The following POLE2 variants were observed in gnomAD, a reference collection of about 807,000 sequenced individuals.
POLE2 encodes DNA polymerase epsilon 2, accessory subunit.
A neutral mutation model predicts 79.4 loss-of-function variants in POLE2; 56 were observed. That is an observed-to-expected ratio of 0.71 (90% CI 0.57 to 0.88). The LOEUF is 0.88. Ranked by LOEUF, POLE2 falls within the 40% of genes least tolerant of loss-of-function variation. POLE2 has a pLI of 0.00. For synonymous variants in POLE2, 212 were observed against 214.0 expected, an observed-to-expected ratio of 0.99 and a Z score of 0.08; for missense variants, 598 against 638.9, an observed-to-expected ratio of 0.94 and a Z score of 0.69.
intron 9 of POLE2, 51 bp from the exon 10 acceptor site, chr14:49,663,438 G>T: frequency 7.9e-7 from 1 of 1,264,814 alleles, no homozygotes; most frequent in South Asian, 1.3e-5. Flanking sequence ...ATGTTTGAAA[G>T]GACAAAATTA....
rs1234548278 is a variant in POLE2, at chr14:49,650,420, G to A, written c.1342C>T (p.Gln448Ter). ...PNHFVKTILS[Q>*]GHLTPLPLYV... The stretch of plus-strand genomic sequence containing the variant: ...AGAGGTAGGGGAGTCAGATGTCCTT[G>A]GGATAAGATAGTCTTTACAAACTAC... The change falls in exon 17 of 19, where the codon CAA becomes TAA. Residue 448 changes from glutamine to a stop codon, truncating the protein, a stop_gained. Coordinates refer to ENST00000216367, the MANE Select transcript of POLE2 (RefSeq NM_002692.4). LOFTEE classifies it high-confidence loss of function. 2.0e-6 allele frequency: 3 copies of A among 1,519,494 alleles called. No homozygotes were observed. The highest frequency in any genetic ancestry group is 2.7e-6 in the Non-Finnish European group (3 of 1,129,262). 94.1% of individuals were successfully genotyped at this position (1,519,494 alleles called of 1,614,324 possible). A position where few individuals can be genotyped will look rare whatever the true frequency, so the allele number is the denominator to read the frequency against.
intron 2 of POLE2, among the ~76,000 whole-genome samples, chr14:49,682,767 C>T (rs954979483): frequency 1.3e-5 from 2 of 148,756 alleles, no homozygotes; most frequent in African/African-American, 5.0e-5. Flanking sequence ...TGAAAAGTTA[C>T]TGTCTCTGCC....
chr14:49,669,822 T>C (rs895275398), intron 5 of POLE2, among the ~76,000 whole-genome samples: 4 of 152,192 alleles, frequency 2.6e-5, no homozygotes, highest in Non-Finnish European at 4.4e-5. Flanking sequence ...ATTGTGTGTA[T>C]GGCAGCAGCA....
intron 6 of POLE2, among the ~76,000 whole-genome samples, chr14:49,667,843 TTTC>T (rs1885595801): frequency 6.6e-6 from 1 of 152,164 alleles, no homozygotes; most frequent in Non-Finnish European, 1.5e-5. Flanking sequence ...ATCTTTATGT[TTTC>T]TTATTACAAA....
chr14:49,651,212 A>G (rs1884199708), intron 16 of POLE2, 57 bp downstream of exon 16: 2 of 752,110 alleles, frequency 2.7e-6, no homozygotes, highest in Non-Finnish European at 4.6e-6. Flanking sequence ...GTGGCTTAAT[A>G]AAATTTTATA....
At chr14:49,658,424 G>A (rs114364925) in intron 10 of POLE2, among the ~76,000 whole-genome samples, 7,457 of 152,232 alleles carry the variant, frequency 0.049, 574 homozygotes, top group African/African-American at 0.16. Flanking sequence ...AGTATGGCCT[G>A]TTCGACTTCA....
chr14:49,649,633 T>C (rs1331378053), intron 17 of POLE2, among the ~76,000 whole-genome samples: 1 of 151,590 alleles, frequency 6.6e-6, no homozygotes, highest in African/African-American at 2.4e-5. Flanking sequence ...TAATTTTTAG[T>C]AGAGACGGGG....
intron 2 of POLE2, among the ~76,000 whole-genome samples, chr14:49,682,493 C>T (rs1243831411): frequency 2.6e-5 from 4 of 151,060 alleles, no homozygotes; most frequent in African/African-American, 9.7e-5. Context: ...AAAAATTAGC[C>T]AGGCATGGTG....
At chr14:49,658,724 G>A (rs1884889708) in intron 10 of POLE2, among the ~76,000 whole-genome samples, 1 of 152,176 alleles carries the variant, frequency 6.6e-6, no homozygotes, top group Admixed American at 6.5e-5. Flanking sequence ...ACACATTACT[G>A]TGTCTGTAGA....
At chr14:49,656,354 CAAAA>C (rs36046648) in intron 10 of POLE2, among the ~76,000 whole-genome samples, 1 of 93,956 alleles carries the variant, frequency 1.1e-5, no homozygotes, top group Non-Finnish European at 2.3e-5. Context: ...ACTCTTGTCT[CAAAA>C]AAAAAAAAAA....
intron 10 of POLE2, among the ~76,000 whole-genome samples, chr14:49,657,429 C>CTT (rs918363691): frequency 5.6e-5 from 8 of 143,242 alleles, no homozygotes; most frequent in Admixed American, 7.0e-5. Context: ...TAGTTGATTC[C>CTT]TTTTTTTTTT....
At chr14:49,667,119 C>T (rs552031251) in intron 6 of POLE2, among the ~76,000 whole-genome samples, 4 of 151,742 alleles carry the variant, frequency 2.6e-5, no homozygotes, top group East Asian at 1.9e-4. Context: ...ACCCGGGAGG[C>T]GGAGCTTGCA....
At position 49,643,556 on chromosome 14, in the gene POLE2, A is replaced by G. The variant is rs913882396; in HGVS notation, c.*96T>C. On this transcript the variant is annotated 3_prime_UTR_variant, in exon 19 of 19. Coordinates refer to ENST00000216367, the MANE Select transcript of POLE2 (RefSeq NM_002692.4). The stretch of plus-strand genomic sequence containing the variant: ...AATACAAATTTAAGCAGAACATCCT[A>G]AAGTTTACCATAATTTTATTGTAAT... 3.4e-5 allele frequency: 24 copies of G among 704,640 alleles called. No homozygotes were observed. The highest frequency in any genetic ancestry group is 1.9e-4 in the African/African-American group (10 of 53,110). 43.6% of individuals were successfully genotyped at this position (704,640 alleles called of 1,614,324 possible). A position where few individuals can be genotyped will look rare whatever the true frequency, so the allele number is the denominator to read the frequency against.
intron 10 of POLE2, 82 bp from the exon 11 acceptor site, chr14:49,655,925 T>A (rs1252365566): frequency 2.8e-6 from 2 of 701,968 alleles, no homozygotes; most frequent in Middle Eastern, 4.1e-4. Context: ...CTTCTTTGTA[T>A]CTAATGAAGT....
At chr14:49,664,349 CA>C (rs1235574204) in intron 9 of POLE2, among the ~76,000 whole-genome samples, 13 of 67,112 alleles carry the variant, frequency 1.9e-4, no homozygotes, top group East Asian at 1.8e-3. Flanking sequence ...ACTCTGTCTC[CA>C]AAAAAAAAAG....
chr14:49,673,290 T>C (rs932336386), intron 5 of POLE2, among the ~76,000 whole-genome samples: 2 of 152,168 alleles, frequency 1.3e-5, no homozygotes, highest in African/African-American at 4.8e-5. Flanking sequence ...AAAACCTGGC[T>C]GCGACCGAGT....
intron 3 of POLE2, among the ~76,000 whole-genome samples, chr14:49,678,402 T>C (rs1169623646): frequency 6.6e-6 from 1 of 152,118 alleles, no homozygotes; most frequent in Non-Finnish European, 1.5e-5. Flanking sequence ...TGATGCGATA[T>C]GGTACATGGC....
At chr14:49,688,050 G>A in intron 1 of POLE2, 86 bp downstream of exon 1, 1 of 1,154,678 alleles carries the variant, frequency 8.7e-7, no homozygotes, top group Admixed American at 2.2e-5. Flanking sequence ...CGCGCGGGGA[G>A]CCGCCGCGGT....
intron 10 of POLE2, among the ~76,000 whole-genome samples, chr14:49,659,662 C>G (rs965992806): frequency 1.3e-5 from 2 of 152,154 alleles, no homozygotes; most frequent in Non-Finnish European, 2.9e-5. Flanking sequence ...TTCACAGCAG[C>G]CTTTAACTCC....
Sources: allele counts gnomAD v4.1 joint callset (sites outside exome capture counted in the v4.1 genomes callset), GRCh38; gene constraint gnomAD v4.1.1; transcripts MANE v1.5; gene names NCBI Gene and HGNC (gene_info 2026-07-23, HGNC 2026-07-21).